PSG11: variants seen among roughly 807,000 people sequenced by gnomAD.
The protein encoded by PSG11 is pregnancy specific beta-1-glycoprotein 11, also known as pregnancy-specific beta-1-glycoprotein 11.
A neutral mutation model predicts 36.0 loss-of-function variants in PSG11; 42 were observed. The observed-to-expected ratio is 1.17, with a 90% confidence interval of 0.91 to 1.51. The LOEUF (loss-of-function observed/expected upper bound fraction) is 1.51, where lower values mean the gene tolerates loss of function less well. PSG11 is among the 40% of genes most tolerant of loss of function. The pLI is 0.00. For missense variants in PSG11, 558 were observed against 403.5 expected, an observed-to-expected ratio of 1.38 and a Z score of -3.28; for synonymous variants, 206 against 153.5, an observed-to-expected ratio of 1.34 and a Z score of -2.53.
intron 3 of PSG11, 53 bp downstream of exon 3, chr19:43,018,717 C>A (rs1377167054): frequency 1.2e-5 from 19 of 1,611,766 alleles, no homozygotes; most frequent in African/African-American, 8.0e-5. Context: ...TGGCCTCTGG[C>A]CATGTGTATT....
At position 43,015,372 on chromosome 19, in the gene PSG11, T is replaced by A. The variant is rs200898425; in HGVS notation, c.710-2A>T. On this transcript the variant is annotated splice_acceptor_variant, in intron 3 of 5. Transcript: ENST00000320078. LOFTEE classifies it high-confidence loss of function. ...AAATTCTGGGGAGGTCTGGACCATC[T>A]GGAGGAAAGAGAATAAAGCCACAGT... The A allele has an allele frequency of 6.2e-6, 10 of 1,607,080 alleles. 1 individual carries two copies. Among genetic ancestry groups the A allele is most frequent in the Non-Finnish European group, 8.5e-6 (10 of 1,176,332 alleles).
chr19:43,013,978 G>A (rs1323706581), intron 4 of PSG11: 1 of 151,250 alleles, frequency 6.6e-6, no homozygotes, highest in African/African-American at 2.4e-5. Context: ...CAAAATGGAT[G>A]AACCTTGAAG....
rs573858131 is a variant in PSG11, at chr19:43,014,144, A to T, written c.964+972T>A. On this transcript the variant is annotated intron_variant, in intron 4 of 5. Transcript: ENST00000320078. The stretch of plus-strand genomic sequence containing the variant: ...GAGTGAGAGTTACTGTTTATTGGGT[A>T]CAGAGGTTTAATATGGTAAGAGGAA... The T allele has an allele frequency of 3.1e-4, 53 of 173,552 alleles. 2 individuals are homozygous for T. Among genetic ancestry groups the T allele is most frequent in the African/African-American group, 1.3e-3 (52 of 41,530 alleles). 10.8% of individuals were successfully genotyped at this position (173,552 alleles called of 1,614,324 possible). A position where few individuals can be genotyped will look rare whatever the true frequency, so the allele number is the denominator to read the frequency against.
rs2526714 is a variant in PSG11, at chr19:43,025,852, G to C, written c.64+457C>G. ...AATTCCGGTTCAATGTGACTTTCCTGTTTTGACCCCTGTCCCTCTTGGGTG... is the reference window on the plus strand; with the variant it reads ...AATTCCGGTTCAATGTGACTTTCCTCTTTTGACCCCTGTCCCTCTTGGGTG... On this transcript the variant is annotated intron_variant, in intron 1 of 5. Coordinates refer to ENST00000320078, the MANE Select transcript of PSG11 (RefSeq NM_002785.3). 4.9e-5 allele frequency among the ~76,000 whole-genome samples: 7 copies of C among 143,418 alleles called. No homozygotes were observed. In the Admixed American group the frequency reaches 5.0e-4, roughly 10 times the overall value. 94.1% of individuals were successfully genotyped at this position (143,418 alleles called of 152,430 possible).
At chr19:43,010,222 G>C (rs139228628) in intron 4 of PSG11, 181 bp from the exon 5 acceptor site, 2 of 1,451,584 alleles carry the variant, frequency 1.4e-6, no homozygotes, top group Non-Finnish European at 1.8e-6. Flanking sequence ...CTCTCACCAT[G>C]TTTCTCAGTT....
Position 43,024,449 on chromosome 19 carries a change from G to A in PSG11, c.430+242C>T, listed in dbSNP as rs1967185106. The A allele has an allele frequency of 6.7e-6, 4 of 593,678 alleles. No homozygotes were observed. The Admixed American group carries it at 1.2e-4, about 18-fold the overall frequency. The allele number at this position is 593,678 out of a possible 1,614,324, so 36.8% of individuals were successfully genotyped here. On this transcript the variant is annotated intron_variant, in intron 2 of 5. Transcript: ENST00000320078. ...GCTGAGACTGATCTCCTCCTGCTGA[G>A]TCCCCCCATCAGACTGTCCTTCCTC...
intron 4 of PSG11, chr19:43,010,287 C>A: frequency 3.4e-6 from 5 of 1,477,648 alleles, no homozygotes; most frequent in Non-Finnish European, 4.5e-6. Flanking sequence ...GGAAGGCTTT[C>A]AGACGTGAGA....
At chr19:43,013,590 A>G (rs914478200) in intron 4 of PSG11, among the ~76,000 whole-genome samples, 1 of 151,414 alleles carries the variant, frequency 6.6e-6, no homozygotes, top group African/African-American at 2.4e-5. Flanking sequence ...GATGGTTTTG[A>G]TAAACAATAA....
At position 43,014,353 on chromosome 19, in the gene PSG11, T is replaced by G. The variant is rs748937224; in HGVS notation, c.964+763A>C. ...GAGCCCCAGGGGTGAATCTTCCTAT[T>G]TCTCCAGCTCTGCATCAGTCACTGT... is the stretch of plus-strand genomic sequence containing the variant. On this transcript the variant is annotated intron_variant, in intron 4 of 5. Coordinates refer to ENST00000320078, the MANE Select transcript of PSG11 (RefSeq NM_002785.3). The G allele has an allele frequency of 7.6e-6, 7 of 924,226 alleles. No homozygotes were observed. In the African/African-American group the frequency reaches 1.3e-4, roughly 17 times the overall value. 57.3% of individuals were successfully genotyped at this position (924,226 alleles called of 1,614,324 possible). A position where few individuals can be genotyped will look rare whatever the true frequency, so the allele number is the denominator to read the frequency against.
intron 4 of PSG11, among the ~76,000 whole-genome samples, chr19:43,011,676 C>A (rs1974078974): frequency 6.6e-6 from 1 of 150,938 alleles, no homozygotes; most frequent in Admixed American, 6.6e-5. Flanking sequence ...TTCTTGAGAC[C>A]AGGTGTTTTG....
intron 2 of PSG11, 55 bp from the exon 3 acceptor site, chr19:43,019,103 A>G: frequency 6.3e-7 from 1 of 1,581,842 alleles, no homozygotes; most frequent in Admixed American, 1.8e-5. Flanking sequence ...ATTCCTCCAA[A>G]GGCATTTTTC....
intron 1 of PSG11, among the ~76,000 whole-genome samples, chr19:43,025,530 T>C (rs937156365): frequency 6.6e-6 from 1 of 150,996 alleles, no homozygotes; most frequent in Non-Finnish European, 1.5e-5. Context: ...TCTGACTTCC[T>C]CCCCATGGCA....
chr19:43,013,157 A>G (rs1974116532), intron 4 of PSG11, among the ~76,000 whole-genome samples: 1 of 151,390 alleles, frequency 6.6e-6, no homozygotes, highest in Non-Finnish European at 1.5e-5. Flanking sequence ...TGTGAGAGCA[A>G]AAACTATACA....
chr19:43,023,970 T>C (rs1967170209), intron 2 of PSG11, among the ~76,000 whole-genome samples: 1 of 151,540 alleles, frequency 6.6e-6, no homozygotes, highest in African/African-American at 2.4e-5. Flanking sequence ...GACAAGCTGC[T>C]ACCAGGTACA....
chr19:43,015,518 G>A, intron 3 of PSG11, 148 bp from the exon 4 acceptor site: 1 of 1,329,828 alleles, frequency 7.5e-7, no homozygotes, highest in Non-Finnish European at 1.0e-6. Flanking sequence ...GCTGAAGCCT[G>A]AAGTATTCAC....
chr19:43,015,461 C>G, intron 3 of PSG11, 91 bp from the exon 4 acceptor site: 1 of 1,458,910 alleles, frequency 6.9e-7, no homozygotes, highest in South Asian at 1.4e-5. Flanking sequence ...CCCTCTGAGC[C>G]AAGACACACC....
rs895084942 is a variant in PSG11, at chr19:43,016,831, G to C, written c.710-1461C>G. On this transcript the variant is annotated intron_variant, in intron 3 of 5. Transcript: ENST00000320078. ...GCAGAGGGCAGGTGAGGACCATGTG[G>C]ATCTTTCCAGAAATACATGTGGACA... 1.3e-5 allele frequency among the ~76,000 whole-genome samples: 2 copies of C among 151,496 alleles called. 1 individual carries two copies. The highest frequency in any genetic ancestry group is 1.3e-4 in the Admixed American group (2 of 15,188).
chr19:43,018,354 A>C (rs186147753), intron 3 of PSG11: 3 of 335,698 alleles, frequency 8.9e-6, no homozygotes, highest in South Asian at 7.1e-5. Context: ...AGAAATGGTG[A>C]GGGCATCCAG....
At chr19:43,015,788 A>G (rs775450002) in intron 3 of PSG11, 50 of 1,610,232 alleles carry the variant, frequency 3.1e-5, no homozygotes, top group African/African-American at 9.4e-5. Context: ...AGGGTGACTG[A>G]GTCACTGCGG....
Sources: gnomAD v4.1 joint callset for allele counts (sites outside exome capture counted in the v4.1 genomes callset) on GRCh38, gnomAD v4.1.1 for gene constraint, MANE v1.5 for transcripts, NCBI Gene and HGNC (gene_info 2026-07-23, HGNC 2026-07-21) for gene names.